Variants in CENPI observed in about 807,000 individuals in gnomAD.
CENPI encodes FSH primary response 1.
CENPI carries 4 observed loss-of-function variants against 60.4 expected under a neutral mutation model. That is an observed-to-expected ratio of 0.07 (90% CI 0.03 to 0.15). CENPI has a LOEUF of 0.15. Ranked by LOEUF, CENPI falls within the 10% of genes least tolerant of loss-of-function variation. CENPI has a pLI of 1.00. For missense variants in CENPI, 444 were observed against 534.5 expected (o/e 0.83, Z 1.67); for synonymous variants, 157 against 189.4 (o/e 0.83, Z 1.40).
intron 6 of CENPI, among the ~76,000 whole-genome samples, chrX:101,112,010 G>A (rs913721931): frequency 9.0e-6 from 1 of 111,285 alleles, no homozygotes; most frequent in African/African-American, 3.3e-5. Flanking sequence ...CCGGCCTGGC[G>A]ACAGAGTGAG....
intron 4 of CENPI, among the ~76,000 whole-genome samples, chrX:101,103,010 T>C (rs2089440506): frequency 9.6e-6 from 1 of 104,193 alleles, no homozygotes; most frequent in South Asian, 4.4e-4. Flanking sequence ...TTTTTTCTTT[T>C]GGGAGACTGG....
At chrX:101,139,841 G>GTT (rs1297389512) in intron 15 of CENPI, among the ~76,000 whole-genome samples, 18 of 95,414 alleles carry the variant, frequency 1.9e-4, no homozygotes, top group African/African-American at 1.9e-4. Flanking sequence ...TTTGTTTTTT[G>GTT]TTTTTTTTTT....
At chrX:101,180,393 T>C in the CENPI span, among the ~76,000 whole-genome samples, 1 of 111,898 alleles carries the variant, frequency 8.9e-6, no homozygotes, top group African/African-American at 3.3e-5. Context: ...CACCTCTGCC[T>C]CCCAAAGTGC....
the CENPI span, among the ~76,000 whole-genome samples, chrX:101,177,072 C>T: frequency 2.7e-5 from 3 of 110,989 alleles, no homozygotes; most frequent in Admixed American, 9.6e-5. Flanking sequence ...ATGTTGACAC[C>T]AGTGTTATTT....
chrX:101,103,761 T>G (rs1290599569), intron 4 of CENPI, among the ~76,000 whole-genome samples: 1 of 112,311 alleles, frequency 8.9e-6, no homozygotes, highest in African/African-American at 3.2e-5. Flanking sequence ...TGTGTGTGTT[T>G]GGGCCAAAAG....
chrX:101,140,260 A>C (rs1255749701), intron 15 of CENPI, among the ~76,000 whole-genome samples: 1 of 112,199 alleles, frequency 8.9e-6, no homozygotes, highest in Non-Finnish European at 1.9e-5. Context: ...TATGACCATC[A>C]AAAAGGTGGC....
the CENPI span, among the ~76,000 whole-genome samples, chrX:101,173,798 T>C: frequency 9.1e-6 from 1 of 109,966 alleles, no homozygotes; most frequent in Non-Finnish European, 1.9e-5. Flanking sequence ...AATTGAATCT[T>C]ATAAAAAACC....
chrX:101,127,685 G>T lies in CENPI; in HGVS notation c.1074+20G>T. ...TTAGAGGTATGTGACTGGACCATGT[G>T]CTTCTTTGCATTTTCTATTTGAATT... On this transcript the variant is annotated intron_variant, in intron 11 of 21. Coordinates refer to ENST00000682095, the MANE Select transcript of CENPI (RefSeq NM_001386188.2). 1 of 1,079,862 alleles carries T rather than the reference G, an allele frequency of 9.3e-7. No individual in the cohort carries two copies. The highest frequency in any genetic ancestry group is 2.4e-5 in the South Asian group (1 of 41,243). 89.0% of individuals were successfully genotyped at this position (1,079,862 alleles called of 1,213,427 possible). A position where few individuals can be genotyped will look rare whatever the true frequency, so the allele number is the denominator to read the frequency against.
intron 20 of CENPI, among the ~76,000 whole-genome samples, chrX:101,158,843 C>T (rs868124053): frequency 1.8e-5 from 2 of 110,088 alleles, no homozygotes; most frequent in Middle Eastern, 4.4e-3. Context: ...GTTGGTCAGG[C>T]GGGTCTTGAA....
chrX:101,155,871 G>A (rs750736743), intron 20 of CENPI, among the ~76,000 whole-genome samples: 1 of 112,292 alleles, frequency 8.9e-6, no homozygotes, highest in African/African-American at 3.2e-5. Context: ...AGGCTAGATT[G>A]TCATGTAAGA....
At chrX:101,128,333 C>T (rs1411798921) in intron 11 of CENPI, among the ~76,000 whole-genome samples, 2 of 108,438 alleles carry the variant, frequency 1.8e-5, no homozygotes, top group African/African-American at 6.7e-5. Context: ...AACTCTGTCT[C>T]AAAATAAAAA....
chrX:101,132,100 A>G, intron 13 of CENPI, 90 bp from the exon 14 acceptor site: 1 of 619,792 alleles, frequency 1.6e-6, no homozygotes, highest in Non-Finnish European at 2.6e-6. Flanking sequence ...AGAGTGAAGC[A>G]ACTATAGCAC....
rs1428832181 is a variant in CENPI, at chrX:101,109,083, T to G, written c.365-390T>G. ...ATAACGTGAGGTGTGGTGTTTTTTT[T>G]TTTTTTTTTTTTTTTGAGATGGAGT... On this transcript the variant is annotated intron_variant, in intron 4 of 21. Transcript: ENST00000682095. 2.6e-3 allele frequency among the ~76,000 whole-genome samples: 248 copies of G among 93,622 alleles called. 2 individuals are homozygous for G. The highest frequency in any genetic ancestry group is 2.7e-3 in the Non-Finnish European group (126 of 46,518). The allele number at this position is 93,622 out of a possible 115,157, so 81.3% of individuals were successfully genotyped here. A position where few individuals can be genotyped will look rare whatever the true frequency, so the allele number is the denominator to read the frequency against.
At chrX:101,146,844 C>A (rs2089966033) in intron 18 of CENPI, among the ~76,000 whole-genome samples, 1 of 110,988 alleles carries the variant, frequency 9.0e-6, no homozygotes, top group Non-Finnish European at 1.9e-5. Context: ...AAGCGATTCT[C>A]CCCCCTCAGC....
At chrX:101,172,808 GGATGA>G in the CENPI span, among the ~76,000 whole-genome samples, 1 of 111,045 alleles carries the variant, frequency 9.0e-6, no homozygotes. Context: ...CTTTGGAAAT[GGATGA>G]GATGAGTAAT....
At chrX:101,166,406 G>A (rs188647170), downstream of CENPI, among the ~76,000 whole-genome samples, 214 of 112,473 alleles carry the variant, frequency 1.9e-3, 1 homozygote, top group African/African-American at 6.1e-3. Context: ...CACCCGTCTC[G>A]GCCTCCCGAA....
At position 101,116,999 on chromosome X, in the gene CENPI, C is replaced by T. The variant is rs910374970; in HGVS notation, c.592-3403C>T. ...GTATACCCTCCCTGGAGAAATGTCT[C>T]TTAGGATCCTTTGCCCTCTTTTAAA... On this transcript the variant is annotated intron_variant, in intron 6 of 21. Coordinates refer to ENST00000682095, the MANE Select transcript of CENPI (RefSeq NM_001386188.2). Among the ~76,000 whole-genome samples the T allele has an allele frequency of 6.9e-4, 77 of 111,254 alleles. 1 individual carries two copies. The highest frequency in any genetic ancestry group is 1.1e-3 in the Non-Finnish European group (56 of 53,100).
In CENPI at chrX:101,144,089, T is replaced by TTTC. The variant is rs1408423060; in HGVS notation, c.1566-973_1566-972insCTT. Among the ~76,000 whole-genome samples, 87 of 97,130 alleles carry TTTC rather than the reference T, an allele frequency of 9.0e-4. 2 individuals are homozygous for TTTC. Among genetic ancestry groups the TTTC allele is most frequent in the Admixed American group, 3.1e-3 (26 of 8,466 alleles). The allele number at this position is 97,130 out of a possible 115,157, so 84.3% of individuals were successfully genotyped here. A position where few individuals can be genotyped will look rare whatever the true frequency, so the allele number is the denominator to read the frequency against. ...TTTATCCTGAATATTTTCTTTTTCT[T>TTTC]TTTTTTTTTTTTTTTTGAGACAGGG... is the stretch of plus-strand genomic sequence containing the variant. On this transcript the variant is annotated intron_variant, in intron 16 of 21. Coordinates refer to ENST00000682095, the MANE Select transcript of CENPI (RefSeq NM_001386188.2).
chrX:101,143,593 C>T (rs1045037973), intron 16 of CENPI, among the ~76,000 whole-genome samples: 4 of 112,916 alleles, frequency 3.5e-5, no homozygotes, highest in African/African-American at 1.3e-4. Flanking sequence ...TGCGATAGCA[C>T]GATCTTGGCT....
Sources: allele counts gnomAD v4.1 joint callset (sites outside exome capture counted in the v4.1 genomes callset), GRCh38; gene constraint gnomAD v4.1.1; transcripts MANE v1.5; gene names NCBI Gene and HGNC (gene_info 2026-07-23, HGNC 2026-07-21).